Variants in PON1 observed in about 807,000 individuals in gnomAD.
The protein encoded by PON1 is serum paraoxonase/arylesterase 1.
PON1 carries 37 observed loss-of-function variants against 39.2 expected under a neutral mutation model. The ratio of observed to expected loss-of-function variants is 0.94; its 90% CI spans 0.73 to 1.24. PON1 has a LOEUF of 1.24. Ranked by LOEUF, PON1 falls within the 50% of genes most tolerant of loss-of-function variation. The probability of loss-of-function intolerance (pLI) is 0.00; values close to 1 mark genes in which losing one functional copy is unlikely to be tolerated. For synonymous variants in PON1, 148 were observed against 152.2 expected (o/e 0.97, Z 0.21); for missense variants, 397 against 413.5 (o/e 0.96, Z 0.35).
At chr7:95,310,690 G>C (rs1256177468) in intron 5 of PON1, among the ~76,000 whole-genome samples, 4 of 152,200 alleles carry the variant, frequency 2.6e-5, no homozygotes. Context: ...CCTGCAAAGA[G>C]TACAAATCTA....
At position 95,306,362 on chromosome 7, in the gene PON1, C is replaced by T; in HGVS notation, c.703G>A (p.Val235Ile). The T allele has an allele frequency of 6.2e-7, 1 of 1,604,338 alleles. No homozygotes were observed. The change falls in exon 7 of 9, where the codon GTC becomes ATC. Residue 235 changes from valine to isoleucine, a missense_variant. By Grantham distance (29) the Val-to-Ile change is conservative (BLOSUM62 3). Transcript: ENST00000222381. ...GINISPDGKY[V>I]YIAELLAHKI... Reference sequence around the variant, plus strand: ...TGAGCCAGCAACTCAGCTATATAGACATACCTTCAAAGAAGAAAGAGCTAC... The same window carrying T: ...TGAGCCAGCAACTCAGCTATATAGATATACCTTCAAAGAAGAAAGAGCTAC...
At chr7:95,315,575 G>T in intron 3 of PON1, 85 bp from the exon 4 acceptor site, 1 of 1,412,980 alleles carries the variant, frequency 7.1e-7, no homozygotes. Context: ...ATGGGTTCAT[G>T]TTGACTGCTC....
At chr7:95,308,659 C>T (rs758701704) in intron 5 of PON1, among the ~76,000 whole-genome samples, 1 of 152,110 alleles carries the variant, frequency 6.6e-6, no homozygotes, top group African/African-American at 2.4e-5. Flanking sequence ...GAACCAGCAG[C>T]CTGGATACTT....
intron 1 of PON1, among the ~76,000 whole-genome samples, chr7:95,319,398 C>A (rs891848149): frequency 2.0e-5 from 3 of 152,118 alleles, no homozygotes; most frequent in Non-Finnish European, 4.4e-5. Flanking sequence ...TGAGTACATT[C>A]CTACCATCAG....
intron 4 of PON1, among the ~76,000 whole-genome samples, chr7:95,313,181 A>G (rs1015103000): frequency 6.6e-6 from 1 of 152,240 alleles, no homozygotes; most frequent in Admixed American, 6.5e-5. Context: ...ATCAAATTCA[A>G]GTGAGGATTA....
rs1372185658 is a variant in PON1 at position 95,298,059 on chromosome 7, CACA to C, written c.*882_*884del. 1 of 151,924 alleles carries C rather than the reference CACA, an allele frequency of 6.6e-6. No homozygotes were observed. Among genetic ancestry groups the C allele is most frequent in the Non-Finnish European group, 1.5e-5 (1 of 68,010 alleles). 9.4% of individuals were successfully genotyped at this position (151,924 alleles called of 1,614,324 possible). ...TATTATTTTTTTTCTTTTCAGCCTC[CACA>C]ACAAGAAGTTTAAATATTAAACAAA... On this transcript the variant is annotated 3_prime_UTR_variant, in exon 9 of 9. Transcript: ENST00000222381.
intron 7 of PON1, 43 bp from the exon 8 acceptor site, chr7:95,302,376 AAC>A: frequency 3.8e-6 from 6 of 1,571,618 alleles, no homozygotes; most frequent in Non-Finnish European, 5.2e-6. Flanking sequence ...CATAAAGTAA[AAC>A]ACAATTGTGA....
intron 4 of PON1, 37 bp from the exon 5 acceptor site, chr7:95,311,614 T>C: frequency 6.2e-7 from 1 of 1,613,168 alleles, no homozygotes; most frequent in South Asian, 1.1e-5. Context: ...AAACATTAAC[T>C]AAGCTCTCAC....
intron 6 of PON1, among the ~76,000 whole-genome samples, chr7:95,307,327 A>G (rs900944695): frequency 6.6e-6 from 1 of 152,170 alleles, no homozygotes; most frequent in African/African-American, 2.4e-5. Context: ...TGCTAGGATT[A>G]CAGGCATGAA....
chr7:95,314,075 T>C (rs1323261260), intron 4 of PON1, among the ~76,000 whole-genome samples: 6 of 151,286 alleles, frequency 4.0e-5, no homozygotes, highest in Non-Finnish European at 5.9e-5. Flanking sequence ...GCAGGTGAAG[T>C]AGGCTGGGCG....
In PON1 at chr7:95,319,111, C is replaced by T. The variant is rs552167990; in HGVS notation, c.75-718G>A. Among the ~76,000 whole-genome samples, 14 of 146,918 alleles carry T rather than the reference C, an allele frequency of 9.5e-5. No individual in the cohort carries two copies. The South Asian group carries it at 2.8e-3, about 29-fold the overall frequency. Reference sequence around the variant, plus strand: ...AAGAAACAGACGACGTTAGCACAACCAAGAGATTTAAACAATAAACTTTTT... The same window carrying T: ...AAGAAACAGACGACGTTAGCACAACTAAGAGATTTAAACAATAAACTTTTT... On this transcript the variant is annotated intron_variant, in intron 1 of 8. Transcript: ENST00000222381.
rs3917530 is a variant in PON1, at chr7:95,310,816, G to T, written c.497+635C>A. Among the ~76,000 whole-genome samples the T allele has an allele frequency of 1.3e-3, 193 of 152,316 alleles. 1 individual carries two copies. The highest frequency in any genetic ancestry group is 4.3e-3 in the African/African-American group (178 of 41,572). On this transcript the variant is annotated intron_variant, in intron 5 of 8. Coordinates refer to ENST00000222381, the MANE Select transcript of PON1 (RefSeq NM_000446.7). Reference sequence around the variant, plus strand: ...ATGTTTCAGAAGATAGAGTCGGATTGTTCTCCTAAATCCATCACTGGCCTT... The same window carrying T: ...ATGTTTCAGAAGATAGAGTCGGATTTTTCTCCTAAATCCATCACTGGCCTT...
At chr7:95,318,415 A>C (rs747071212) in intron 1 of PON1, 22 bp from the exon 2 acceptor site, 1 of 1,568,482 alleles carries the variant, frequency 6.4e-7, no homozygotes, top group Non-Finnish European at 8.8e-7. Flanking sequence ...AAAGAAATAA[A>C]ACACACACAA....
intron 1 of PON1, among the ~76,000 whole-genome samples, chr7:95,324,026 G>A (rs1316975541): frequency 6.6e-6 from 1 of 152,170 alleles, no homozygotes; most frequent in African/African-American, 2.4e-5. Context: ...AAGCGACAGG[G>A]GCTCCTTTCT....
chr7:95,318,352 A>T lies in PON1; in HGVS notation c.116T>A (p.Leu39His). 1 of 1,610,382 alleles carries T rather than the reference A, an allele frequency of 6.2e-7. No homozygotes were observed. The highest frequency in any genetic ancestry group is 8.5e-7 in the Non-Finnish European group (1 of 1,176,634). ...NALREVQPVE[L>H]PNCNLVKGIE... ...TCCTTTAACTAAATTACAGTTAGGA[A>T]GTTCTACGGGTTGTACCTCTCGGAG... The change falls in exon 2 of 9, where the codon CTT becomes CAT. Residue 39 changes from leucine to histidine, a missense_variant. Physicochemically the swap from Leu to His is moderately conservative, Grantham distance 99 (BLOSUM62 -3). Coordinates refer to ENST00000222381, the MANE Select transcript of PON1 (RefSeq NM_000446.7).
intron 1 of PON1, 181 bp from the exon 2 acceptor site, chr7:95,318,574 A>G: frequency 1.7e-6 from 1 of 581,700 alleles, no homozygotes; most frequent in East Asian, 3.1e-5. Context: ...CTCTGGGTAC[A>G]ATATTTAGTT....
chr7:95,302,410 A>G (rs1807456258), intron 7 of PON1, 77 bp from the exon 8 acceptor site: 1 of 1,376,696 alleles, frequency 7.3e-7, no homozygotes, highest in Admixed American at 1.8e-5. Context: ...ATATCAGAGA[A>G]AAGTTGCCTC....
At chr7:95,313,495 T>G (rs1331649686) in intron 4 of PON1, among the ~76,000 whole-genome samples, 1 of 152,146 alleles carries the variant, frequency 6.6e-6, no homozygotes, top group African/African-American at 2.4e-5. Context: ...CATTTTTATT[T>G]TAAAAAGTAT....
rs376226419 is a variant in PON1 at position 95,298,938 on chromosome 7, G to A, written c.*6C>T. On this transcript the variant is annotated 3_prime_UTR_variant, in exon 9 of 9. Coordinates refer to ENST00000222381, the MANE Select transcript of PON1 (RefSeq NM_000446.7). ...AGTTTCTATGGCATGGGTGCAAATC[G>A]GTCTGTTAGAGCTCACAGTAAAGAG... is the stretch of plus-strand genomic sequence containing the variant. The A allele has an allele frequency of 9.3e-6, 15 of 1,613,994 alleles. No homozygotes were observed. In the African/African-American group the frequency reaches 1.1e-4, roughly 11 times the overall value.
Sources: allele counts gnomAD v4.1 joint callset (sites outside exome capture counted in the v4.1 genomes callset), GRCh38; gene constraint gnomAD v4.1.1; transcripts MANE v1.5; gene names NCBI Gene and HGNC (gene_info 2026-07-23, HGNC 2026-07-21).